TMEM200A: variants seen among roughly 807,000 people sequenced by gnomAD.
TMEM200A encodes the protein two transmembrane C.
In TMEM200A, 12 loss-of-function variants were observed where a neutral mutation model predicts 24.3. The ratio of observed to expected loss-of-function variants is 0.49; its 90% CI spans 0.32 to 0.80. TMEM200A has a LOEUF of 0.80. Among genes scored for constraint, TMEM200A ranks in the 30% least tolerant of loss-of-function variants. The probability of loss-of-function intolerance (pLI) is 0.04; values close to 1 mark genes in which losing one functional copy is unlikely to be tolerated. For synonymous variants in TMEM200A, 224 were observed against 224.4 expected, an observed-to-expected ratio of 1.00 and a Z score of 0.02; for missense variants, 545 against 614.4, an observed-to-expected ratio of 0.89 and a Z score of 1.19.
At chr6:130,367,358 A>G (rs1224019976) in intron 1 of TMEM200A, among the ~76,000 whole-genome samples, 1 of 152,242 alleles carries the variant, frequency 6.6e-6, no homozygotes, top group Non-Finnish European at 1.5e-5. Flanking sequence ...ACAACTGCAT[A>G]GAAAACATTT....
chr6:130,373,184 C>T (rs894511831), intron 1 of TMEM200A, among the ~76,000 whole-genome samples: 2 of 152,168 alleles, frequency 1.3e-5, no homozygotes, highest in South Asian at 4.1e-4. Context: ...AATTTTGTTT[C>T]CCTTGGCAAA....
At chr6:130,387,516 G>A (rs111583288) in intron 2 of TMEM200A, among the ~76,000 whole-genome samples, 1 of 152,112 alleles carries the variant, frequency 6.6e-6, no homozygotes, top group Non-Finnish European at 1.5e-5. Context: ...TAGGTGATCC[G>A]CCTGCCTCGG....
intron 2 of TMEM200A, among the ~76,000 whole-genome samples, chr6:130,423,273 G>T (rs1779646680): frequency 6.6e-6 from 1 of 152,124 alleles, no homozygotes; most frequent in Non-Finnish European, 1.5e-5. Flanking sequence ...AGACAGCTGT[G>T]TATATTTTGG....
chr6:130,371,201 G>T (rs1778314767), intron 1 of TMEM200A, among the ~76,000 whole-genome samples: 1 of 152,160 alleles, frequency 6.6e-6, no homozygotes, highest in African/African-American at 2.4e-5. Flanking sequence ...GTGGTAGATA[G>T]GTTAATAGCA....
upstream of TMEM200A, chr6:130,365,591 C>T (rs1364525022): frequency 2.0e-6 from 2 of 985,294 alleles, no homozygotes; most frequent in Non-Finnish European, 2.4e-6. Context: ...CCAGCCGCTC[C>T]GGAGAACTGG....
intron 2 of TMEM200A, among the ~76,000 whole-genome samples, chr6:130,395,103 T>C (rs1309893850): frequency 6.6e-6 from 1 of 152,148 alleles, no homozygotes; most frequent in East Asian, 1.9e-4. Flanking sequence ...ATGTATTAGG[T>C]CTACTCAATA....
chr6:130,402,762 C>A (rs1018494846), intron 2 of TMEM200A, among the ~76,000 whole-genome samples: 1 of 152,054 alleles, frequency 6.6e-6, no homozygotes, highest in African/African-American at 2.4e-5. Context: ...AGTTGATATA[C>A]AAAGTTTATT....
intron 2 of TMEM200A, among the ~76,000 whole-genome samples, chr6:130,406,584 C>T (rs999749079): frequency 2.0e-5 from 3 of 152,046 alleles, no homozygotes; most frequent in Admixed American, 6.6e-5. Flanking sequence ...TTCTCTTATC[C>T]GGTTCCCATT....
At chr6:130,415,802 G>A (rs533825661) in intron 2 of TMEM200A, among the ~76,000 whole-genome samples, 33 of 152,316 alleles carry the variant, frequency 2.2e-4, no homozygotes, top group African/African-American at 7.5e-4. Context: ...ATGTAAGGAA[G>A]TGTCACAGTA....
At chr6:130,410,841 A>G (rs1779313019) in intron 2 of TMEM200A, among the ~76,000 whole-genome samples, 1 of 152,206 alleles carries the variant, frequency 6.6e-6, no homozygotes, top group African/African-American at 2.4e-5. Context: ...AGACTTGGCT[A>G]TTGTAGGGAG....
rs144815791 is a variant in TMEM200A at position 130,415,728 on chromosome 6, T to C, written c.-16-24679T>C. Among the ~76,000 whole-genome samples the C allele has an allele frequency of 2.7e-3, 414 of 152,274 alleles. 1 individual carries two copies. The highest frequency in any genetic ancestry group is 9.4e-3 in the African/African-American group (391 of 41,550). On this transcript the variant is annotated intron_variant, in intron 2 of 2. Transcript: ENST00000296978. The stretch of plus-strand genomic sequence containing the variant: ...GACAGTTATTGAAGGGTGTCTGAGG[T>C]TGCGCCCAAACCTAAAAGAAAAATC...
intron 2 of TMEM200A, among the ~76,000 whole-genome samples, chr6:130,401,935 A>G (rs143834594): frequency 5.2e-4 from 79 of 151,990 alleles, no homozygotes; most frequent in Non-Finnish European, 8.0e-4. Context: ...GATTTCTAAG[A>G]ACTCTTTATA....
At chr6:130,376,475 G>A (rs942632457) in intron 1 of TMEM200A, among the ~76,000 whole-genome samples, 1 of 152,008 alleles carries the variant, frequency 6.6e-6, no homozygotes, top group African/African-American at 2.4e-5. Flanking sequence ...TAGAGATGAG[G>A]TTTCACCATG....
At chr6:130,400,758 A>G (rs9321226) in intron 2 of TMEM200A, among the ~76,000 whole-genome samples, 51,440 of 151,700 alleles carry the variant, frequency 0.34, 12,418 homozygotes, top group African/African-American at 0.69. Context: ...AAGCTTCCTT[A>G]TTGTTTCACT....
In TMEM200A at chr6:130,366,304, C is replaced by G; in HGVS notation, c.-301C>G. On this transcript the variant is annotated 5_prime_UTR_variant, in exon 1 of 3. Transcript: ENST00000296978. This position sits in a 1 kb window ranked among gnomAD's most constrained non-coding sequence, Gnocchi z 4.4. ...CGCTTGCACCCCTTGCCACCCGCCC[C>G]CTCGCCTGACTCATCCGCCCGCGGT... The G allele has an allele frequency of 1.0e-6, 1 of 985,414 alleles. No individual in the cohort carries two copies. The highest frequency in any genetic ancestry group is 1.2e-6 in the Non-Finnish European group (1 of 829,944). The allele number at this position is 985,414 out of a possible 1,614,324, so 61.0% of individuals were successfully genotyped here.
At chr6:130,378,722 C>CAAA (rs56819618) in intron 1 of TMEM200A, among the ~76,000 whole-genome samples, 3 of 56,294 alleles carry the variant, frequency 5.3e-5, no homozygotes, top group Non-Finnish European at 1.2e-4. Context: ...GACTCCGTCT[C>CAAA]AAAAAAAAAA....
At chr6:130,439,746 C>T (rs889151249) in intron 2 of TMEM200A, among the ~76,000 whole-genome samples, 1 of 151,980 alleles carries the variant, frequency 6.6e-6, no homozygotes, top group Non-Finnish European at 1.5e-5. Context: ...AGTAGGAGAA[C>T]TTAACATCAT....
chr6:130,428,158 A>T (rs1779792615), intron 2 of TMEM200A, among the ~76,000 whole-genome samples: 1 of 151,924 alleles, frequency 6.6e-6, no homozygotes, highest in African/African-American at 2.4e-5. Context: ...ATTCTTCTCA[A>T]TTTTTTCCTT....
intron 2 of TMEM200A, among the ~76,000 whole-genome samples, chr6:130,433,261 T>G (rs1441189720): frequency 6.6e-6 from 1 of 151,654 alleles, no homozygotes; most frequent in Non-Finnish European, 1.5e-5. Flanking sequence ...CTCAGCCTCC[T>G]GAGTAGCTGG....
Sources: allele counts gnomAD v4.1 joint callset (sites outside exome capture counted in the v4.1 genomes callset), GRCh38; gene constraint gnomAD v4.1.1; non-coding constraint Gnocchi (gnomAD v3.1); transcripts MANE v1.5; gene names NCBI Gene and HGNC (gene_info 2026-07-23, HGNC 2026-07-21).